The following RALYL variants were observed in gnomAD, a reference collection of about 807,000 sequenced individuals.
RALYL encodes RNA-binding Raly-like protein.
RALYL carries 29 observed loss-of-function variants against 35.1 expected under a neutral mutation model. That is an observed-to-expected ratio of 0.83 (90% CI 0.61 to 1.13). The LOEUF is 1.13. RALYL is among the 50% of genes most tolerant of loss of function. The probability of loss-of-function intolerance (pLI) is 0.00; values close to 1 mark genes in which losing one functional copy is unlikely to be tolerated. For missense variants in RALYL, 359 were observed against 360.4 expected (o/e 1.00, Z 0.03); for synonymous variants, 120 against 127.6 (o/e 0.94, Z 0.40).
At chr8:84,313,645 C>T (rs1347048220) in intron 1 of RALYL, among the ~76,000 whole-genome samples, 2 of 152,146 alleles carry the variant, frequency 1.3e-5, no homozygotes, top group African/African-American at 2.4e-5. Flanking sequence ...CAAAATGCTG[C>T]CAGTCTCTTT....
chr8:84,819,133 G>C (rs186760232), intron 4 of RALYL, among the ~76,000 whole-genome samples: 1 of 151,678 alleles, frequency 6.6e-6, no homozygotes. Context: ...ACTTTTTTGC[G>C]TTTTTTTTAA....
intron 1 of RALYL, among the ~76,000 whole-genome samples, chr8:84,459,884 A>G (rs1377341525): frequency 6.6e-6 from 1 of 151,842 alleles, no homozygotes; most frequent in Non-Finnish European, 1.5e-5. Context: ...ACTGCTTCAC[A>G]TATTTCTTCT....
At position 84,839,227 on chromosome 8, in the gene RALYL, AG is replaced by A. The variant is rs1330625436; in HGVS notation, c.366-10749del. On this transcript the variant is annotated intron_variant, in intron 4 of 8. Coordinates refer to ENST00000521268, the MANE Select transcript of RALYL (RefSeq NM_173848.7). ...GGAATTCCCTTTCCTAGTCAAAGAA[AG>A]GGGTGACAGACGGCACCTGGAAAAT... Among the ~76,000 whole-genome samples the A allele has an allele frequency of 5.9e-5, 9 of 152,342 alleles. No individual in the cohort carries two copies. In the East Asian group the frequency reaches 1.7e-3, roughly 29 times the overall value.
intron 3 of RALYL, among the ~76,000 whole-genome samples, chr8:84,799,506 G>T (rs182681977): frequency 1.3e-5 from 2 of 152,312 alleles, no homozygotes; most frequent in East Asian, 1.9e-4. Context: ...GAATTGAGAG[G>T]CAAGTACAGA....
chr8:84,684,991 C>A lies in RALYL; in HGVS notation c.257-89588C>A, dbSNP rs562306323. ...GGCAGTCGCCATTTTGCTGTGTGCTCACGTGACTTCTTTGTGGGAGCAAAG... is the reference window on the plus strand; with the variant it reads ...GGCAGTCGCCATTTTGCTGTGTGCTAACGTGACTTCTTTGTGGGAGCAAAG... On this transcript the variant is annotated intron_variant, in intron 2 of 8. Coordinates refer to ENST00000521268, the MANE Select transcript of RALYL (RefSeq NM_173848.7). 2.0e-5 allele frequency among the ~76,000 whole-genome samples: 3 copies of A among 152,258 alleles called. No individual in the cohort carries two copies. In the South Asian group the frequency reaches 6.2e-4, roughly 32 times the overall value.
At chr8:84,887,442 CAT>C (rs1238248058) in intron 7 of RALYL, among the ~76,000 whole-genome samples, 160 bp from the exon 8 acceptor site, 1 of 152,152 alleles carries the variant, frequency 6.6e-6, no homozygotes, top group Non-Finnish European at 1.5e-5. Context: ...ACATGATTTA[CAT>C]GATTGAAAAA....
At chr8:84,279,080 G>A (rs12681170) in intron 1 of RALYL, among the ~76,000 whole-genome samples, 5,487 of 152,248 alleles carry the variant, frequency 0.036, 124 homozygotes, top group East Asian at 0.12. Context: ...TGGGGATGGT[G>A]GAAGGCAAAG....
chr8:84,435,940 G>A (rs533420415), intron 1 of RALYL, among the ~76,000 whole-genome samples: 3 of 152,248 alleles, frequency 2.0e-5, no homozygotes, highest in Non-Finnish European at 4.4e-5. Context: ...TATGGTTGTT[G>A]TGGATTAAAA....
At chr8:84,796,836 C>T (rs778275183) in intron 3 of RALYL, among the ~76,000 whole-genome samples, 116 of 152,164 alleles carry the variant, frequency 7.6e-4, no homozygotes, top group Non-Finnish European at 1.4e-3. Flanking sequence ...CTTAAAATAG[C>T]CTGGGCCACC....
At chr8:84,571,293 CT>C (rs1807919848) in intron 2 of RALYL, among the ~76,000 whole-genome samples, 1 of 151,648 alleles carries the variant, frequency 6.6e-6, no homozygotes. Context: ...AATTTTATTA[CT>C]CATTATTGGT....
intron 1 of RALYL, among the ~76,000 whole-genome samples, chr8:84,188,439 C>T (rs971629466): frequency 6.6e-6 from 1 of 152,044 alleles, no homozygotes; most frequent in Non-Finnish European, 1.5e-5. Context: ...ATTACTGTTA[C>T]TATCTACTAC....
At chr8:84,433,026 C>G (rs1017958394) in intron 1 of RALYL, among the ~76,000 whole-genome samples, 3 of 152,012 alleles carry the variant, frequency 2.0e-5, no homozygotes, top group African/African-American at 7.2e-5. Flanking sequence ...AAATATTAAG[C>G]AAAGTATTAG....
At chr8:84,595,763 GTTTTTTTTT>G (rs35714907) in intron 2 of RALYL, among the ~76,000 whole-genome samples, 132 of 120,202 alleles carry the variant, frequency 1.1e-3, no homozygotes, top group African/African-American at 3.3e-3. Flanking sequence ...AAAACCATAA[GTTTTTTTTT>G]TTTTTTTTTT....
chr8:84,266,467 G>T (rs558848112), intron 1 of RALYL, among the ~76,000 whole-genome samples: 4 of 152,086 alleles, frequency 2.6e-5, no homozygotes, highest in Non-Finnish European at 5.9e-5. Flanking sequence ...ATAGTATTTC[G>T]ATTTTTCCAA....
chr8:84,497,766 C>T (rs2056219147), intron 1 of RALYL, among the ~76,000 whole-genome samples: 1 of 150,912 alleles, frequency 6.6e-6, no homozygotes, highest in African/African-American at 2.4e-5. Context: ...CTCAGCCTCC[C>T]GAGTAGGTGG....
chr8:84,615,570 C>CTTTTTTTTTTTTTTTTTTTGTTTT (rs1819335708), intron 2 of RALYL, among the ~76,000 whole-genome samples: 1 of 67,364 alleles, frequency 1.5e-5, no homozygotes, highest in Non-Finnish European at 2.7e-5. Context: ...GAACTTTCGT[C>CTTTTTTTTTTTTTTTTTTTGTTTT]TTTTTTTTTT....
At chr8:84,842,570 A>C (rs1205398851) in intron 4 of RALYL, among the ~76,000 whole-genome samples, 1 of 152,370 alleles carries the variant, frequency 6.6e-6, no homozygotes, top group Non-Finnish European at 1.5e-5. Context: ...TCCTTCTGAA[A>C]CTATTCCAAT....
intron 2 of RALYL, among the ~76,000 whole-genome samples, chr8:84,563,273 TGAAA>T (rs2061575192): frequency 6.6e-6 from 1 of 151,678 alleles, no homozygotes; most frequent in Non-Finnish European, 1.5e-5. Flanking sequence ...TTGATTCTCA[TGAAA>T]CATAAGCTCA....
chr8:84,413,935 A>G (rs886443390), intron 1 of RALYL, among the ~76,000 whole-genome samples: 2 of 152,126 alleles, frequency 1.3e-5, no homozygotes, highest in African/African-American at 4.8e-5. Context: ...TGTATGGCAT[A>G]TAAGACAGGG....
Sources: gnomAD v4.1 joint callset for allele counts (sites outside exome capture counted in the v4.1 genomes callset) on GRCh38, gnomAD v4.1.1 for gene constraint, MANE v1.5 for transcripts, NCBI Gene and HGNC (gene_info 2026-07-23, HGNC 2026-07-21) for gene names.